Variants in BARD1 observed in about 807,000 individuals in gnomAD.
The protein encoded by BARD1 is BRCA1 associated RING domain 1.
In BARD1, 73 loss-of-function variants were observed where a neutral mutation model predicts 77.0. The ratio of observed to expected loss-of-function variants is 0.95; its 90% CI spans 0.79 to 1.15. The LOEUF (loss-of-function observed/expected upper bound fraction) is 1.15. Ranked by LOEUF, BARD1 falls within the 50% of genes most tolerant of loss-of-function variation. BARD1 has a pLI of 0.00. For missense variants in BARD1, 993 were observed against 938.8 expected, an observed-to-expected ratio of 1.06 and a Z score of -0.75; for synonymous variants, 384 against 338.0, an observed-to-expected ratio of 1.14 and a Z score of -1.49.
chr2:214,740,903 T>TTTTG (rs10651378), intron 9 of BARD1, among the ~76,000 whole-genome samples: 5,188 of 151,314 alleles, frequency 0.034, 282 homozygotes, highest in African/African-American at 0.12. Flanking sequence ...TATACGAATG[T>TTTTG]TTTTTTTTAA....
At chr2:214,778,417 T>C (rs1574811746) in intron 4 of BARD1, among the ~76,000 whole-genome samples, 1 of 152,190 alleles carries the variant, frequency 6.6e-6, no homozygotes, top group Admixed American at 6.5e-5. Flanking sequence ...CTGGTGACAA[T>C]AATTGCATTT....
intron 3 of BARD1, among the ~76,000 whole-genome samples, chr2:214,787,332 C>A (rs1447683658): frequency 6.6e-6 from 1 of 151,742 alleles, no homozygotes; most frequent in South Asian, 2.1e-4. Flanking sequence ...TTGATATGAA[C>A]ACAATTTTAC....
At position 214,792,458 on chromosome 2, in the gene BARD1, T is replaced by TAAAA; in HGVS notation, c.216-17_216-14dup. On this transcript the variant is annotated splice_polypyrimidine_tract_variant and intron_variant, in intron 2 of 10. Coordinates refer to ENST00000260947, the MANE Select transcript of BARD1 (RefSeq NM_000465.4). ...ACTTACACAATTACTTTAAAATAAT[T>TAAAA]AAAAAAAAAAAAAAAAGCAACCCAT... 7.1e-7 allele frequency: 1 copy of TAAAA among 1,400,420 alleles called. No individual in the cohort carries two copies. Among genetic ancestry groups the TAAAA allele is most frequent in the Non-Finnish European group, 9.4e-7 (1 of 1,062,444 alleles). 86.7% of individuals were successfully genotyped at this position (1,400,420 alleles called of 1,614,324 possible).
intron 9 of BARD1, among the ~76,000 whole-genome samples, chr2:214,741,486 G>A (rs888350102): frequency 8.5e-5 from 13 of 152,092 alleles, no homozygotes; most frequent in African/African-American, 2.4e-4. Context: ...CATACTCTAT[G>A]AGATTCGTAA....
chr2:214,745,379 A>C (rs565583438), intron 8 of BARD1, among the ~76,000 whole-genome samples: 1 of 152,354 alleles, frequency 6.6e-6, no homozygotes, highest in South Asian at 2.1e-4. Context: ...TCTTAAAGCC[A>C]TATTGGCAAA....
At position 214,780,949 on chromosome 2, in the gene BARD1, T is replaced by C; in HGVS notation, c.925A>G (p.Thr309Ala). The change falls in exon 4 of 11, where the codon ACA becomes GCA. Residue 309 changes from threonine (T) to alanine (A), a missense_variant. By Grantham distance (58) the Thr-to-Ala change is moderately conservative. Coordinates refer to ENST00000260947, the MANE Select transcript of BARD1 (RefSeq NM_000465.4). ...TPEKVCKNYL[T>A]SKKSLPLENN... ...TCTAATGGCAAAGATTTCTTAGATG[T>C]AAGATAATTTTTGCAGACCTTCTCA... is the stretch of plus-strand genomic sequence containing the variant. 1 of 1,613,798 alleles carries C rather than the reference T, an allele frequency of 6.2e-7. No homozygotes were observed. Among genetic ancestry groups the C allele is most frequent in the Non-Finnish European group, 8.5e-7 (1 of 1,179,866 alleles).
chr2:214,799,094 G>T (rs1022461015), intron 1 of BARD1, among the ~76,000 whole-genome samples: 3 of 152,128 alleles, frequency 2.0e-5, no homozygotes, highest in African/African-American at 7.2e-5. Flanking sequence ...TCCAGACTGG[G>T]TGACAGAGCG....
rs777084777 is a variant in BARD1, at chr2:214,745,744, T to C, written c.1788A>G (p.Lys596=). ...SELAVILKAK[K]YTEFDSTVTH... ...CACCTGTACTGTCAAACTCAGTATATTTTTTAGCCTTAAGAATTACTGCAA... is the reference window on the plus strand; with the variant it reads ...CACCTGTACTGTCAAACTCAGTATACTTTTTAGCCTTAAGAATTACTGCAA... The change falls in exon 8 of 11, where the codon AAA becomes AAG. Residue 596 remains lysine (K), a synonymous_variant. Transcript: ENST00000260947. 39 of 1,613,842 alleles carry C rather than the reference T, an allele frequency of 2.4e-5. No individual in the cohort carries two copies. The Admixed American group carries it at 5.7e-4, about 23-fold the overall frequency.
chr2:214,793,065 A>T (rs556194530), intron 2 of BARD1, among the ~76,000 whole-genome samples: 1 of 152,264 alleles, frequency 6.6e-6, no homozygotes, highest in East Asian at 1.9e-4. Context: ...GATCCCCCCC[A>T]CAAGCCCATC....
At chr2:214,802,951 T>C (rs1463564044) in intron 1 of BARD1, among the ~76,000 whole-genome samples, 1 of 152,170 alleles carries the variant, frequency 6.6e-6, no homozygotes, top group Non-Finnish European at 1.5e-5. Flanking sequence ...GAAGTAGACA[T>C]AGGAGACTCC....
rs570022823 is a variant in BARD1, at chr2:214,781,126, A to C, written c.748T>G (p.Ser250Ala). 6.3e-7 allele frequency: 1 copy of C among 1,576,662 alleles called. No homozygotes were observed. Among genetic ancestry groups the C allele is most frequent in the Non-Finnish European group, 8.6e-7 (1 of 1,165,372 alleles). ...ATTTCACCATTTATCTGAGGACTGG[A>C]GATAACAGATGGTTGGCTACAGAAG... is the stretch of plus-strand genomic sequence containing the variant. Reference protein sequence around the residue: ...VSFCSQPSVISSPQINGEIDL... With the variant: ...VSFCSQPSVIASPQINGEIDL... The change falls in exon 4 of 11, where the codon TCC (serine) becomes GCC (alanine). Residue 250 changes from serine (S) to alanine (A), a missense_variant. By Grantham distance (99) the Ser-to-Ala change is moderately conservative. Transcript: ENST00000260947.
chr2:214,789,789 CT>C (rs1695433128), intron 3 of BARD1, among the ~76,000 whole-genome samples: 1 of 152,062 alleles, frequency 6.6e-6, no homozygotes, highest in South Asian at 2.1e-4. Flanking sequence ...TCCTAAATTT[CT>C]GATTATGTGT....
At chr2:214,787,247 G>A (rs2106123912) in intron 3 of BARD1, among the ~76,000 whole-genome samples, 1 of 151,826 alleles carries the variant, frequency 6.6e-6, no homozygotes, top group South Asian at 2.1e-4. Context: ...AATATAAAAA[G>A]AAGAAATTTC....
rs876659743 is a variant in BARD1, at chr2:214,809,571, G to T, written c.-2C>A. On this transcript the variant is annotated 5_prime_UTR_variant, in exon 1 of 11. Coordinates refer to ENST00000260947, the MANE Select transcript of BARD1 (RefSeq NM_000465.4). The stretch of plus-strand genomic sequence containing the variant: ...CCTCGGCTGCCGATTATCCGGCATC[G>T]TCCCGCCTTCGGATGAAAGGCTCCT... 6 of 1,545,910 alleles carry T rather than the reference G, an allele frequency of 3.9e-6. 1 individual carries two copies. The highest frequency in any genetic ancestry group is 1.2e-5 in the South Asian group (1 of 85,632).
intron 2 of BARD1, among the ~76,000 whole-genome samples, chr2:214,794,179 A>C (rs1695655134): frequency 6.6e-6 from 1 of 152,090 alleles, no homozygotes; most frequent in Admixed American, 6.6e-5. Flanking sequence ...CCAAGCCAAG[A>C]AGTTGAGGCT....
In BARD1 at chr2:214,769,331, C is replaced by T. The variant is rs6704780; in HGVS notation, c.1315-19G>A. The stretch of plus-strand genomic sequence containing the variant: ...TGTCGCCCTAGAAAAATGAACAAAA[C>T]GGAAATTAAAAAGCATTAAGGAAAG... On this transcript the variant is annotated intron_variant, in intron 4 of 10. Transcript: ENST00000260947. 585,294 of 1,588,134 alleles carry T rather than the reference C, an allele frequency of 0.37. 108,729 individuals carry two copies. Among genetic ancestry groups the T allele is most frequent in the South Asian group, 0.41 (36,671 of 90,464 alleles).
chr2:214,778,995 C>G (rs1327895098), intron 4 of BARD1, among the ~76,000 whole-genome samples: 1 of 152,124 alleles, frequency 6.6e-6, no homozygotes, highest in African/African-American at 2.4e-5. Context: ...ATGTCTATAA[C>G]TTTGTTTACA....
chr2:214,743,644 C>A (rs941474468), intron 9 of BARD1, among the ~76,000 whole-genome samples: 1 of 151,926 alleles, frequency 6.6e-6, no homozygotes, highest in Non-Finnish European at 1.5e-5. Flanking sequence ...AGTGCAGTGG[C>A]GCCATCTCGG....
chr2:214,787,979 G>A (rs1353742283), intron 3 of BARD1, among the ~76,000 whole-genome samples: 3 of 151,880 alleles, frequency 2.0e-5, no homozygotes, highest in Admixed American at 6.6e-5. Context: ...CTTCACTGAA[G>A]AATGATTATT....
Sources: gnomAD v4.1 joint callset for allele counts (sites outside exome capture counted in the v4.1 genomes callset) on GRCh38, gnomAD v4.1.1 for gene constraint, MANE v1.5 for transcripts, NCBI Gene and HGNC (gene_info 2026-07-23, HGNC 2026-07-21) for gene names.